Variants in TRANK1 observed in about 807,000 individuals in gnomAD.
TRANK1 encodes the protein tetratricopeptide repeat and ankyrin repeat containing 1.
In TRANK1, 198 loss-of-function variants were observed where a neutral mutation model predicts 266.0. The ratio of observed to expected loss-of-function variants is 0.74; its 90% confidence interval spans 0.66 to 0.84. The LOEUF (loss-of-function observed/expected upper bound fraction) is 0.84. Ranked by LOEUF, TRANK1 falls within the 40% of genes least tolerant of loss-of-function variation. TRANK1 has a pLI of 0.00. For synonymous variants in TRANK1, 1,396 were observed against 1,384.1 expected, an observed-to-expected ratio of 1.01 and a Z score of -0.19; for missense variants, 3,326 against 3,634.6, an observed-to-expected ratio of 0.92 and a Z score of 2.18.
chr3:36,899,157 G>C lies in TRANK1; in HGVS notation c.385C>G (p.Gln129Glu). The stretch of plus-strand genomic sequence containing the variant: ...ACAAGGAAATCAGCAACCGGTGCCT[G>C]GTCTTGGCTTCTCTGCACAAGTCGC... ...GLRLVQRSQD[Q>E]APVADFLVGV... The change falls in exon 4 of 24, where the codon CAG (glutamine) becomes GAG (glutamate). Residue 129 changes from glutamine to glutamate, a missense_variant. Transcript: ENST00000645898. The C allele has an allele frequency of 6.5e-7, 1 of 1,537,258 alleles. No individual in the cohort carries two copies. The highest frequency in any genetic ancestry group is 8.7e-7 in the Non-Finnish European group (1 of 1,146,918).
At chr3:36,915,855 A>G (rs2080117081) in intron 1 of TRANK1, among the ~76,000 whole-genome samples, 2 of 152,224 alleles carry the variant, frequency 1.3e-5, no homozygotes. Context: ...CGAGGACAGT[A>G]GGTGTCCAGG....
intron 20 of TRANK1, among the ~76,000 whole-genome samples, chr3:36,836,437 G>T (rs192045235): frequency 6.6e-6 from 1 of 152,092 alleles, no homozygotes; most frequent in Admixed American, 6.5e-5. Flanking sequence ...AGCAAGGGAC[G>T]GAAAAGGTAA....
chr3:36,865,439 C>T, intron 9 of TRANK1, among the ~76,000 whole-genome samples: 1 of 152,198 alleles, frequency 6.6e-6, no homozygotes, highest in East Asian at 1.9e-4. Context: ...ATGGCAACAT[C>T]CAACTACATG....
In TRANK1 at chr3:36,879,689, AAT is replaced by A. The variant is rs1416848888; in HGVS notation, c.908-5395_908-5394del. On this transcript the variant is annotated intron_variant, in intron 8 of 23. Transcript: ENST00000645898. ...ATATATATAAATATATAAATATATA[AAT>A]ATATAAATATAAATATAAATATATA... Among the ~76,000 whole-genome samples, 15 of 105,542 alleles carry A rather than the reference AAT, an allele frequency of 1.4e-4. 3 individuals carry two copies. The highest frequency in any genetic ancestry group is 2.4e-4 in the Non-Finnish European group (14 of 57,180). The allele number at this position is 105,542 out of a possible 152,430, so 69.2% of individuals were successfully genotyped here.
In TRANK1 at chr3:36,896,395, G is replaced by C. The variant is rs548779802; in HGVS notation, c.434-637C>G. 5.3e-5 allele frequency among the ~76,000 whole-genome samples: 8 copies of C among 152,254 alleles called. No individual in the cohort carries two copies. In the South Asian group the frequency reaches 1.7e-3, roughly 32 times the overall value. On this transcript the variant is annotated intron_variant, in intron 4 of 23. Coordinates refer to ENST00000645898, the MANE Select transcript of TRANK1 (RefSeq NM_001329998.2). ...AGAATAACTTGGCACCTCTTCCAAG[G>C]TTATTAATTTCAAAAAATAAGTAAA...
At chr3:36,892,846 A>T (rs1185797075) in intron 6 of TRANK1, 55 bp downstream of exon 6, 2 of 745,482 alleles carry the variant, frequency 2.7e-6, no homozygotes, top group African/African-American at 4.5e-5. Flanking sequence ...ACAAAACAAA[A>T]CAAAACATAT....
chr3:36,887,591 T>G (rs1312727187), intron 8 of TRANK1, among the ~76,000 whole-genome samples: 1 of 152,194 alleles, frequency 6.6e-6, no homozygotes, highest in Non-Finnish European at 1.5e-5. Flanking sequence ...CTTAAAACAT[T>G]GTGAGATTTG....
rs778604214 is a variant in TRANK1 at position 36,831,321 on chromosome 3, G to A, written c.8262C>T (p.Pro2754=). Residue 2754 remains proline (P), a synonymous_variant, in exon 22 of 24, where the codon CCC becomes CCT. Coordinates refer to ENST00000645898, the MANE Select transcript of TRANK1 (RefSeq NM_001329998.2). This position sits in a 1 kb window ranked among gnomAD's most constrained non-coding sequence, Gnocchi z 5.0. ...CTGCCTTTTTGAAGTTCCCAGCCCT[G>A]GGCTCCCTGGCCTCCTCCCTGACAC... The part of the protein sequence containing the change: ...MERVREEARE[P]RAGNFKKADV... 3 of 1,613,376 alleles carry A rather than the reference G, an allele frequency of 1.9e-6. No individual in the cohort carries two copies. The highest frequency in any genetic ancestry group is 1.6e-4 in the Middle Eastern group (1 of 6,084).
At chr3:36,919,549 A>G (rs1005100348) in intron 1 of TRANK1, among the ~76,000 whole-genome samples, 1 of 152,236 alleles carries the variant, frequency 6.6e-6, no homozygotes, top group African/African-American at 2.4e-5. Context: ...AATTGTTTCC[A>G]GTTTGAGACA....
rs74424604 is a variant in TRANK1, at chr3:36,889,906, C to T, written c.830G>A (p.Arg277His). 48,582 of 1,537,168 alleles carry T rather than the reference C, an allele frequency of 0.032. 936 individuals carry two copies. The highest frequency in any genetic ancestry group is 0.038 in the Non-Finnish European group (43,318 of 1,146,860). ...LMDHKPEWKGRINQKDGDGCT... is the reference protein window; with the variant it reads ...LMDHKPEWKGHINQKDGDGCT... ...GCCATCCCCATCCTTCTGGTTAATG[C>T]GGCCTTTCCACTCGGGCTTGTGATC... is the stretch of plus-strand genomic sequence containing the variant. The change falls in exon 8 of 24, where the codon CGC becomes CAC. Residue 277 changes from arginine to histidine, a missense_variant. Coordinates refer to ENST00000645898, the MANE Select transcript of TRANK1 (RefSeq NM_001329998.2).
intron 9 of TRANK1, among the ~76,000 whole-genome samples, chr3:36,866,050 GAAAAAGAAAGAA>G (rs1425628118): frequency 1.1e-5 from 1 of 89,946 alleles, no homozygotes; most frequent in Non-Finnish European, 2.5e-5. Context: ...CAGACAGAAA[GAAAAAGAAAGAA>G]AGAAAGAAAG....
chr3:36,848,840 T>G (rs112225247), intron 15 of TRANK1, among the ~76,000 whole-genome samples: 4,066 of 152,236 alleles, frequency 0.027, 78 homozygotes, highest in Non-Finnish European at 0.041. Context: ...TTTGAGAGGA[T>G]CCTCCTGGCA....
At chr3:36,930,985 A>T (rs2080353812) in intron 1 of TRANK1, among the ~76,000 whole-genome samples, 1 of 152,202 alleles carries the variant, frequency 6.6e-6, no homozygotes, top group African/African-American at 2.4e-5. Context: ...AACAGAAAAT[A>T]TAGGTACAGA....
chr3:36,870,522 T>A (rs922953136), intron 9 of TRANK1, among the ~76,000 whole-genome samples: 3 of 152,216 alleles, frequency 2.0e-5, no homozygotes, highest in Non-Finnish European at 4.4e-5. Flanking sequence ...TTTACAGATT[T>A]TTTTTTACTA....
At chr3:36,919,153 T>C (rs902599444) in intron 1 of TRANK1, among the ~76,000 whole-genome samples, 3 of 152,232 alleles carry the variant, frequency 2.0e-5, no homozygotes, top group Non-Finnish European at 4.4e-5. Context: ...TTTTAACATT[T>C]TTATTGAGGC....
intron 1 of TRANK1, among the ~76,000 whole-genome samples, chr3:36,922,832 G>A (rs1332714961): frequency 1.3e-5 from 2 of 151,844 alleles, no homozygotes; most frequent in Non-Finnish European, 1.5e-5. Flanking sequence ...AGTCACTCTA[G>A]CCACATTTCA....
chr3:36,883,682 G>C (rs1055214277), intron 8 of TRANK1, among the ~76,000 whole-genome samples: 2 of 152,138 alleles, frequency 1.3e-5, no homozygotes, highest in Non-Finnish European at 2.9e-5. Flanking sequence ...AAATGGAAAT[G>C]GCCAGGGTGC....
rs1014521229 is a variant in TRANK1, at chr3:36,834,757, C to T, written c.5663+5G>A. On this transcript the variant is annotated splice_donor_5th_base_variant and intron_variant, in intron 21 of 23. Coordinates refer to ENST00000645898, the MANE Select transcript of TRANK1 (RefSeq NM_001329998.2). ...GGGAGAAAGGGAGAGAATAAAACCA[C>T]CTACTTTTCCACTGCAATAGCAGCT... 6.2e-7 allele frequency: 1 copy of T among 1,608,430 alleles called. No individual in the cohort carries two copies. The highest frequency in any genetic ancestry group is 8.5e-7 in the Non-Finnish European group (1 of 1,178,156).
chr3:36,881,288 C>T (rs1209114276), intron 8 of TRANK1, among the ~76,000 whole-genome samples: 1 of 152,040 alleles, frequency 6.6e-6, no homozygotes, highest in African/African-American at 2.4e-5. Context: ...CCCATCTCTA[C>T]TAAAAATACA....
Sources: gnomAD v4.1 joint callset for allele counts (sites outside exome capture counted in the v4.1 genomes callset) on GRCh38, gnomAD v4.1.1 for gene constraint, Gnocchi (gnomAD v3.1) non-coding constraint, MANE v1.5 for transcripts, NCBI Gene and HGNC (gene_info 2026-07-23, HGNC 2026-07-21) for gene names.